Variants in DNAH14 observed in about 807,000 individuals in gnomAD.
The protein encoded by DNAH14 is axonemal beta dynein heavy chain 14.
A neutral mutation model predicts 520.9 loss-of-function variants in DNAH14; 478 were observed. That is an observed-to-expected ratio of 0.92 (90% CI 0.85 to 0.99). The LOEUF is 0.99. Ranked by LOEUF, DNAH14 falls within the 50% of genes least tolerant of loss-of-function variation. The probability of loss-of-function intolerance (pLI) is 0.00; values close to 1 mark genes in which losing one functional copy is unlikely to be tolerated. For missense variants in DNAH14, 4,831 were observed against 5,234.5 expected (o/e 0.92, Z 2.38); for synonymous variants, 1,581 against 1,757.2 (o/e 0.90, Z 2.51).
chr1:225,273,040 G>C lies in DNAH14; in HGVS notation c.7925G>C (p.Arg2642Pro), dbSNP rs1033765753. The C allele has an allele frequency of 1.9e-6, 3 of 1,551,594 alleles. No homozygotes were observed. In the East Asian group the frequency reaches 7.3e-5, roughly 38 times the overall value. Residue 2642 changes from arginine (R) to proline (P), a missense_variant, in exon 52 of 86, where the codon CGA becomes CCA. Physicochemically the swap from Arg to Pro is moderately radical, Grantham distance 103. Transcript: ENST00000682510. ...AALLFVHEAT[R>P]VFHDRLIDFT... ...CTGCTCTTTGTTCATGAAGCCACCC[G>C]AGTATTTCACGATCGCTTAATTGAT...
intron 29 of DNAH14, among the ~76,000 whole-genome samples, chr1:225,144,995 G>C (rs1159200581): frequency 6.6e-6 from 1 of 152,090 alleles, no homozygotes; most frequent in Non-Finnish European, 1.5e-5. Context: ...AAGAGACAGA[G>C]AGAGAGAAAG....
At chr1:225,214,733 T>A (rs961992257) in intron 41 of DNAH14, among the ~76,000 whole-genome samples, 5 of 152,226 alleles carry the variant, frequency 3.3e-5, no homozygotes, top group African/African-American at 4.8e-5. Context: ...AGTTTGTATT[T>A]CTGTGGGATT....
intron 69 of DNAH14, among the ~76,000 whole-genome samples, chr1:225,344,855 C>T (rs1402719940): frequency 1.1e-4 from 17 of 152,120 alleles, no homozygotes; most frequent in Admixed American, 1.1e-3. Flanking sequence ...GCTGGGACTA[C>T]AGGTGTGCAC....
At position 225,101,939 on chromosome 1, in the gene DNAH14, C is replaced by T. The variant is rs139523962; in HGVS notation, c.3867+1055C>T. Among the ~76,000 whole-genome samples the T allele has an allele frequency of 4.8e-3, 722 of 151,322 alleles. 4 individuals carry two copies. Among genetic ancestry groups the T allele is most frequent in the African/African-American group, 0.016 (675 of 41,202 alleles). On this transcript the variant is annotated intron_variant, in intron 23 of 85. Transcript: ENST00000682510. The stretch of plus-strand genomic sequence containing the variant: ...TAAGTTTTAGGGTACATGTGCACAA[C>T]GTGCAGGTTAGTTACATATGTATAC...
chr1:225,040,859 A>G (rs768871527), intron 12 of DNAH14, among the ~76,000 whole-genome samples: 20 of 152,222 alleles, frequency 1.3e-4, no homozygotes, highest in Non-Finnish European at 2.6e-4. Context: ...TTATTGCTCC[A>G]TAAGCTTACT....
At chr1:225,355,373 A>G (rs975471781) in intron 73 of DNAH14, among the ~76,000 whole-genome samples, 5 of 152,138 alleles carry the variant, frequency 3.3e-5, no homozygotes, top group African/African-American at 4.8e-5. Flanking sequence ...CTCCTGCCTC[A>G]GCCACCTGAG....
intron 34 of DNAH14, among the ~76,000 whole-genome samples, chr1:225,155,375 A>T (rs1275231614): frequency 1.1e-4 from 16 of 152,210 alleles, no homozygotes. Flanking sequence ...GGAGCAAAGG[A>T]TAGGGGATAA....
intron 27 of DNAH14, among the ~76,000 whole-genome samples, chr1:225,135,968 G>A (rs1336415077): frequency 1.3e-5 from 2 of 151,848 alleles, no homozygotes; most frequent in East Asian, 1.9e-4. Flanking sequence ...AGAAACTAGG[G>A]TTGCTACTCC....
At chr1:225,352,630 T>A (rs1400456784) in intron 72 of DNAH14, among the ~76,000 whole-genome samples, 1 of 152,112 alleles carries the variant, frequency 6.6e-6, no homozygotes, top group Admixed American at 6.6e-5. Flanking sequence ...TGATTTTTTT[T>A]AAATTTTGCC....
chr1:225,268,875 A>G (rs1325284678), intron 49 of DNAH14, among the ~76,000 whole-genome samples: 2 of 152,246 alleles, frequency 1.3e-5, no homozygotes, highest in Admixed American at 1.3e-4. Context: ...GATAGGAAGA[A>G]TCAATATTGT....
chr1:224,969,142 A>G (rs2489346), intron 7 of DNAH14: 58,516 of 276,160 alleles, frequency 0.21, 9,919 homozygotes, highest in African/African-American at 0.56. Context: ...AAGTTACAGA[A>G]GAATGAGATG....
At chr1:225,366,581 A>G (rs957125834) in intron 76 of DNAH14, among the ~76,000 whole-genome samples, 1 of 152,216 alleles carries the variant, frequency 6.6e-6, no homozygotes, top group Non-Finnish European at 1.5e-5. Context: ...GGGCTAAGCA[A>G]CAATTGCTGG....
At chr1:225,022,635 C>T (rs557651733) in intron 10 of DNAH14, among the ~76,000 whole-genome samples, 1 of 151,966 alleles carries the variant, frequency 6.6e-6, no homozygotes, top group East Asian at 1.9e-4. Flanking sequence ...AGGAAACACC[C>T]TGCTGGTAGC....
intron 44 of DNAH14, among the ~76,000 whole-genome samples, chr1:225,257,399 T>C (rs2092775020): frequency 6.6e-6 from 1 of 152,206 alleles, no homozygotes; most frequent in Non-Finnish European, 1.5e-5. Context: ...AATGGAGTTT[T>C]CTCAGGAATA....
At chr1:225,030,229 A>G (rs1429361086) in intron 11 of DNAH14, among the ~76,000 whole-genome samples, 1 of 151,876 alleles carries the variant, frequency 6.6e-6, no homozygotes, top group Non-Finnish European at 1.5e-5. Context: ...AACACAACAT[A>G]ACAAAACTTA....
In DNAH14 at chr1:225,358,451, G is replaced by A. The variant is rs1443538296; in HGVS notation, c.11620-45G>A. ...ATTTTACCATAGGGAATATCTCTCT[G>A]GGTGGCTTTTAATTTTACCTTATCT... On this transcript the variant is annotated intron_variant, in intron 73 of 85. Coordinates refer to ENST00000682510, the MANE Select transcript of DNAH14 (RefSeq NM_001367479.1). 9 of 1,409,006 alleles carry A rather than the reference G, an allele frequency of 6.4e-6. No individual in the cohort carries two copies. The African/African-American group carries it at 1.3e-4, about 21-fold the overall frequency. 87.3% of individuals were successfully genotyped at this position (1,409,006 alleles called of 1,614,324 possible).
intron 44 of DNAH14, among the ~76,000 whole-genome samples, chr1:225,253,700 T>A (rs1266283075): frequency 6.6e-6 from 1 of 152,182 alleles, no homozygotes; most frequent in Non-Finnish European, 1.5e-5. Context: ...TTAATCAAGC[T>A]ATTTTCTAAT....
chr1:225,345,635 G>A (rs1286073071), intron 69 of DNAH14, among the ~76,000 whole-genome samples: 1 of 152,142 alleles, frequency 6.6e-6, no homozygotes, highest in East Asian at 1.9e-4. Context: ...AATATTCTAT[G>A]TGTATAGTGG....
At chr1:225,147,748 G>A (rs1232393923) in intron 31 of DNAH14, among the ~76,000 whole-genome samples, 2 of 152,100 alleles carry the variant, frequency 1.3e-5, no homozygotes, top group Non-Finnish European at 2.9e-5. Flanking sequence ...GTATGAACTA[G>A]TATCCATTAG....
Sources: gnomAD v4.1 joint callset for allele counts (sites outside exome capture counted in the v4.1 genomes callset) on GRCh38, gnomAD v4.1.1 for gene constraint, MANE v1.5 for transcripts, NCBI Gene and HGNC (gene_info 2026-07-23, HGNC 2026-07-21) for gene names.